SPIRE1: variants seen among roughly 807,000 people sequenced by gnomAD.
SPIRE1 encodes the protein protein spire homolog 1.
In SPIRE1, 40 loss-of-function variants were observed where a neutral mutation model predicts 94.1. The observed-to-expected ratio is 0.43, with a 90% CI of 0.33 to 0.55. SPIRE1 has a LOEUF of 0.55. Ranked by LOEUF, SPIRE1 falls within the 20% of genes least tolerant of loss-of-function variation. The pLI, the probability that SPIRE1 is intolerant of heterozygous loss-of-function variation, is 0.06. For missense variants in SPIRE1, 838 were observed against 975.2 expected, an observed-to-expected ratio of 0.86 and a Z score of 1.87; for synonymous variants, 376 against 371.7, an observed-to-expected ratio of 1.01 and a Z score of -0.13.
chr18:12,634,258 TAAAA>T (rs71174115), intron 2 of SPIRE1, among the ~76,000 whole-genome samples: 58,152 of 140,862 alleles, frequency 0.41, 12,044 homozygotes, highest in East Asian at 0.67. Flanking sequence ...AAAATAAAAA[TAAAA>T]AAAAAAAAAA....
chr18:12,472,045 A>G (rs1389534857), intron 10 of SPIRE1, among the ~76,000 whole-genome samples: 3 of 152,108 alleles, frequency 2.0e-5, no homozygotes, highest in Non-Finnish European at 4.4e-5. Context: ...TTGGCCTCCC[A>G]AAGTGCTGGG....
chr18:12,645,959 G>A (rs1009288938), intron 1 of SPIRE1, among the ~76,000 whole-genome samples: 4 of 152,088 alleles, frequency 2.6e-5, no homozygotes, highest in African/African-American at 9.7e-5. Context: ...TTAACCTCAC[G>A]TGCCAACTCC....
At position 12,644,198 on chromosome 18, in the gene SPIRE1, C is replaced by CAAAA. The variant is rs58693692; in HGVS notation, c.338-9106_338-9103dup. On this transcript the variant is annotated intron_variant, in intron 1 of 16. Coordinates refer to ENST00000409402, the MANE Select transcript of SPIRE1 (RefSeq NM_001128626.2). ...TAGGTGACAGAGGGAAACTCCATCT[C>CAAAA]AAAAAAAAAAAAAAAAAAGGTCAGG... is the stretch of plus-strand genomic sequence containing the variant. Among the ~76,000 whole-genome samples, 97 of 88,540 alleles carry CAAAA rather than the reference C, an allele frequency of 1.1e-3. 2 individuals carry two copies. Among genetic ancestry groups the CAAAA allele is most frequent in the East Asian group, 1.5e-3 (4 of 2,684 alleles). 58.1% of individuals were successfully genotyped at this position (88,540 alleles called of 152,430 possible).
chr18:12,623,774 A>G (rs572857166), intron 2 of SPIRE1, among the ~76,000 whole-genome samples: 69 of 152,130 alleles, frequency 4.5e-4, no homozygotes, highest in African/African-American at 1.4e-3. Flanking sequence ...GATTACAGGC[A>G]ACCACCACCA....
intron 2 of SPIRE1, among the ~76,000 whole-genome samples, chr18:12,579,200 T>TAC (rs60826359): frequency 0.059 from 6,993 of 119,034 alleles, 513 homozygotes; most frequent in African/African-American, 0.19. Flanking sequence ...CACACACACA[T>TAC]ACACACACAC....
chr18:12,644,895 T>A (rs1007346588), intron 1 of SPIRE1, among the ~76,000 whole-genome samples: 3 of 152,174 alleles, frequency 2.0e-5, no homozygotes, highest in African/African-American at 7.2e-5. Context: ...TTGAGTCTCA[T>A]AACAATTTCA....
chr18:12,601,642 A>AC (rs2036837069), intron 2 of SPIRE1, among the ~76,000 whole-genome samples: 1 of 151,948 alleles, frequency 6.6e-6, no homozygotes, highest in Non-Finnish European at 1.5e-5. Context: ...TCCTCTTCTG[A>AC]CCCCCAGCTC....
At chr18:12,501,220 C>G (rs986076639) in intron 6 of SPIRE1, among the ~76,000 whole-genome samples, 1 of 151,688 alleles carries the variant, frequency 6.6e-6, no homozygotes, top group African/African-American at 2.4e-5. Context: ...CATGAAATAT[C>G]CAGAATAGGT....
At chr18:12,479,047 C>T (rs1380546050) in intron 10 of SPIRE1, among the ~76,000 whole-genome samples, 1 of 151,636 alleles carries the variant, frequency 6.6e-6, no homozygotes, top group Non-Finnish European at 1.5e-5. Context: ...TTTTTTGTTC[C>T]CCAAACGAGA....
intron 2 of SPIRE1, among the ~76,000 whole-genome samples, chr18:12,591,545 C>T (rs750108153): frequency 5.3e-5 from 8 of 152,208 alleles, no homozygotes; most frequent in Admixed American, 1.3e-4. Flanking sequence ...TAAGGGCAGT[C>T]GGAAGGAGTG....
intron 2 of SPIRE1, among the ~76,000 whole-genome samples, chr18:12,584,008 G>T (rs2144549844): frequency 6.6e-6 from 1 of 152,136 alleles, no homozygotes; most frequent in East Asian, 1.9e-4. Flanking sequence ...ACTCTCAAAT[G>T]AGATATAAAA....
At chr18:12,658,507 C>G (rs763834692), upstream of SPIRE1, 2 of 458,870 alleles carry the variant, frequency 4.4e-6, no homozygotes, top group South Asian at 3.1e-5. Flanking sequence ...TGGCGGGGAA[C>G]TGGGCGCGCC....
intron 10 of SPIRE1, among the ~76,000 whole-genome samples, chr18:12,468,417 A>C (rs1476097227): frequency 6.6e-6 from 1 of 152,152 alleles, no homozygotes; most frequent in Non-Finnish European, 1.5e-5. Context: ...TTGAGCTCCA[A>C]AACATGGAGA....
At position 12,446,745 on chromosome 18, in the gene SPIRE1, T is replaced by C. The variant is rs2030951883; in HGVS notation, c.*2893A>G. On this transcript the variant is annotated 3_prime_UTR_variant, in exon 17 of 17. Coordinates refer to ENST00000409402, the MANE Select transcript of SPIRE1 (RefSeq NM_001128626.2). ...TAGCAAACAGCAATAAACTTTTGTGTTTCCTATATGACACCTAATATCCAG... is the reference window on the plus strand; with the variant it reads ...TAGCAAACAGCAATAAACTTTTGTGCTTCCTATATGACACCTAATATCCAG... The C allele has an allele frequency of 6.6e-6, 1 of 152,220 alleles. No individual in the cohort carries two copies. The highest frequency in any genetic ancestry group is 2.4e-5 in the African/African-American group (1 of 41,464). The allele number at this position is 152,220 out of a possible 1,614,324, so 9.4% of individuals were successfully genotyped here. A position where few individuals can be genotyped will look rare whatever the true frequency, so the allele number is the denominator to read the frequency against.
At position 12,566,092 on chromosome 18, in the gene SPIRE1, T is replaced by C. The variant is rs2035813659; in HGVS notation, c.373-19188A>G. On this transcript the variant is annotated intron_variant, in intron 2 of 16. Coordinates refer to ENST00000409402, the MANE Select transcript of SPIRE1 (RefSeq NM_001128626.2). Reference sequence around the variant, plus strand: ...AGCTCCCTCCTATAATCCCAGCACTTTGGGAGGCCGAGGCTGGCAGATCAC... The same window carrying C: ...AGCTCCCTCCTATAATCCCAGCACTCTGGGAGGCCGAGGCTGGCAGATCAC... Among the ~76,000 whole-genome samples, 3 of 150,474 alleles carry C rather than the reference T, an allele frequency of 2.0e-5. No homozygotes were observed. In the South Asian group the frequency reaches 6.3e-4, roughly 32 times the overall value.
At chr18:12,601,148 C>T (rs1020885747) in intron 2 of SPIRE1, among the ~76,000 whole-genome samples, 18 of 151,912 alleles carry the variant, frequency 1.2e-4, no homozygotes, top group African/African-American at 4.1e-4. Flanking sequence ...TGGCTGGGTG[C>T]GGTGGCTCAC....
upstream of SPIRE1, chr18:12,658,186 G>A (rs2038616964): frequency 2.7e-6 from 2 of 751,994 alleles, no homozygotes; most frequent in Non-Finnish European, 3.8e-6. Context: ...CGCACGGGCC[G>A]GGGGATGCAC....
At chr18:12,598,286 G>A (rs145264479) in intron 2 of SPIRE1, among the ~76,000 whole-genome samples, 49 of 152,100 alleles carry the variant, frequency 3.2e-4, no homozygotes, top group African/African-American at 1.2e-3. Context: ...TAAATTCCTG[G>A]TTATTAAAAA....
intron 16 of SPIRE1, chr18:12,450,672 A>G (rs1358650332): frequency 1.6e-6 from 1 of 623,444 alleles, no homozygotes; most frequent in South Asian, 1.9e-5. Context: ...TGGGAAATGA[A>G]GGATTATGGA....
Sources: allele counts gnomAD v4.1 joint callset (sites outside exome capture counted in the v4.1 genomes callset), GRCh38; gene constraint gnomAD v4.1.1; transcripts MANE v1.5; gene names NCBI Gene and HGNC (gene_info 2026-07-23, HGNC 2026-07-21).